Variants in UTP14A observed in about 807,000 individuals in gnomAD.
UTP14A encodes UTP14A small subunit processome component, also known as U3 small nucleolar RNA-associated protein 14 homolog A.
In UTP14A, 5 loss-of-function variants were observed where a neutral mutation model predicts 57.2. The observed-to-expected ratio is 0.09, with a 90% CI of 0.05 to 0.18. The LOEUF (loss-of-function observed/expected upper bound fraction) is 0.18, where lower values mean the gene tolerates loss of function less well. Among genes scored for constraint, UTP14A ranks in the 10% least tolerant of loss-of-function variants. The probability of loss-of-function intolerance (pLI) is 1.00; values close to 1 mark genes in which losing one functional copy is unlikely to be tolerated. For synonymous variants in UTP14A, 169 were observed against 210.9 expected, an observed-to-expected ratio of 0.80 and a Z score of 1.72; for missense variants, 430 against 562.1, an observed-to-expected ratio of 0.76 and a Z score of 2.38.
At chrX:129,925,308 A>G (rs773352340) in intron 12 of UTP14A, 113 bp downstream of exon 12, 139 of 978,439 alleles carry the variant, frequency 1.4e-4, no homozygotes, top group Non-Finnish European at 1.9e-4. Flanking sequence ...GGTCCAGAAT[A>G]GTATAGGGCC....
At chrX:129,915,027 C>T (rs905122239) in intron 6 of UTP14A, among the ~76,000 whole-genome samples, 2 of 110,813 alleles carry the variant, frequency 1.8e-5, no homozygotes, top group Admixed American at 1.9e-4. Context: ...GCCTGACCAA[C>T]GTGGCAAAAC....
intron 11 of UTP14A, among the ~76,000 whole-genome samples, chrX:129,924,138 G>A (rs1443898646): frequency 5.5e-5 from 6 of 109,704 alleles, no homozygotes; most frequent in African/African-American, 2.0e-4. Flanking sequence ...TGTTGTTGTT[G>A]GAGGGGTGGA....
chrX:129,911,185 GAAATT>G lies in UTP14A; in HGVS notation c.381+36_381+40del, dbSNP rs748336798. The stretch of plus-strand genomic sequence containing the variant: ...AGAGAAGGTGGTCTATTAAGGGAAA[GAAATT>G]GAATTGACAAGGGAAAATAGGGTAA... On this transcript the variant is annotated intron_variant, in intron 5 of 14. Transcript: ENST00000394422. 26 of 1,171,927 alleles carry G rather than the reference GAAATT, an allele frequency of 2.2e-5. No homozygotes were observed. In the African/African-American group the frequency reaches 2.9e-4, roughly 13 times the overall value.
At chrX:129,927,080 A>G (rs1005566611) in intron 14 of UTP14A, among the ~76,000 whole-genome samples, 22 of 111,582 alleles carry the variant, frequency 2.0e-4, no homozygotes, top group African/African-American at 7.2e-4. Context: ...CGATAAGGGA[A>G]GGGGGGAAAG....
rs773413478 is a variant in UTP14A, at chrX:129,924,965, A to G, written c.1519A>G (p.Arg507Gly). 8.3e-6 allele frequency: 10 copies of G among 1,209,414 alleles called. No homozygotes were observed. Among genetic ancestry groups the G allele is most frequent in the Non-Finnish European group, 1.1e-5 (10 of 895,198 alleles). Residue 507 changes from arginine (R) to glycine (G), a missense_variant, in exon 12 of 15, where the codon AGA becomes GGA. Arg to Gly is a moderately radical substitution (Grantham distance 125). Transcript: ENST00000394422. ...EEPLLLQRPE[R>G]VQTLEELEEL... ...GCCCCTGTTGCTACAGAGACCAGAG[A>G]GAGTACAGACGCTGGAAGAGCTAGA...
Position 129,919,265 on chromosome X carries a change from G to T in UTP14A, c.628G>T (p.Ala210Ser). 2 of 1,211,617 alleles carry T rather than the reference G, an allele frequency of 1.7e-6. No individual in the cohort carries two copies. The highest frequency in any genetic ancestry group is 2.2e-6 in the Non-Finnish European group (2 of 895,507). ...TDPLLTPVEKASLRAMSLEEA... is the reference protein window; with the variant it reads ...TDPLLTPVEKSSLRAMSLEEA... ...CCCTTTACTGACCCCTGTGGAAAAG[G>T]CCTCTCTCCGAGCCATGAGCCTAGA... The change falls in exon 7 of 15, where the codon GCC becomes TCC. Residue 210 changes from alanine (A) to serine (S), a missense_variant. Around this residue, in one of 4 missense-constraint regions of UTP14A, gnomAD observed 145 missense variants for 153.5 expected, o/e 0.94. Transcript: ENST00000394422.
chrX:129,928,768 A>T (rs1338308572), intron 14 of UTP14A, among the ~76,000 whole-genome samples: 1 of 107,175 alleles, frequency 9.3e-6, no homozygotes, highest in East Asian at 3.0e-4. Context: ...AACAAAAAAA[A>T]AATATCAATC....
chrX:129,907,884 A>T (rs1929311455), intron 2 of UTP14A, among the ~76,000 whole-genome samples, 176 bp from the exon 3 acceptor site: 1 of 111,912 alleles, frequency 8.9e-6, no homozygotes, highest in African/African-American at 3.2e-5. Context: ...TGAACCTGGG[A>T]GGCGGAGCTT....
chrX:129,906,649 G>GCCCCCCCCCCCCCCCCCCC (rs750133698), intron 1 of UTP14A, among the ~76,000 whole-genome samples: 2 of 100,448 alleles, frequency 2.0e-5, no homozygotes, highest in Non-Finnish European at 4.0e-5. Flanking sequence ...GATGTTTTGT[G>GCCCCCCCCCCCCCCCCCCC]CCCCCCCCAC....
At chrX:129,913,300 CT>C (rs1216592164) in intron 6 of UTP14A, 1 of 325,512 alleles carries the variant, frequency 3.1e-6, no homozygotes, top group South Asian at 2.8e-5. Context: ...CACTACCATT[CT>C]CTTTCTAGGA....
chrX:129,922,602 G>T (rs1008459996), intron 11 of UTP14A: 1 of 110,210 alleles, frequency 9.1e-6, no homozygotes, highest in Admixed American at 9.8e-5. Context: ...TTTTTGTAGA[G>T]ACTGAGGTCT....
intron 14 of UTP14A, among the ~76,000 whole-genome samples, chrX:129,927,619 G>A (rs1056933536): frequency 5.4e-5 from 6 of 111,721 alleles, no homozygotes; most frequent in Admixed American, 9.5e-5. Context: ...CTATTCTCGT[G>A]TCTCAGCCTC....
intron 11 of UTP14A, 104 bp downstream of exon 11, chrX:129,921,691 G>C: frequency 2.2e-6 from 2 of 903,510 alleles, no homozygotes. Flanking sequence ...ATAGTGATTA[G>C]GCGCTGGGGA....
chrX:129,917,427 G>A (rs747736761), intron 6 of UTP14A, among the ~76,000 whole-genome samples: 9 of 112,011 alleles, frequency 8.0e-5, no homozygotes, highest in Non-Finnish European at 1.7e-4. Flanking sequence ...CATAATATGT[G>A]TGTGAGGTTT....
intron 10 of UTP14A, 79 bp from the exon 11 acceptor site, chrX:129,921,112 GGCA>G: frequency 1.8e-6 from 2 of 1,142,420 alleles, no homozygotes; most frequent in Non-Finnish European, 2.3e-6. Context: ...ATTGAGAGGA[GGCA>G]GCTTTATGAA....
rs1930247183 is a variant in UTP14A, at chrX:129,929,739, C to T, written c.*131C>T. The T allele has an allele frequency of 3.6e-6, 3 of 837,504 alleles. No individual in the cohort carries two copies. In the South Asian group the frequency reaches 8.1e-5, roughly 23 times the overall value. The allele number at this position is 837,504 out of a possible 1,213,427, so 69.0% of individuals were successfully genotyped here. Reference sequence around the variant, plus strand: ...TTAAGCCACATTTTAAAAATAAAGGCATTTTTTAATCTATTTACCTGGAGT... The same window carrying T: ...TTAAGCCACATTTTAAAAATAAAGGTATTTTTTAATCTATTTACCTGGAGT... On this transcript the variant is annotated 3_prime_UTR_variant, in exon 15 of 15. Transcript: ENST00000394422.
chrX:129,909,713 A>G (rs1929394501), intron 4 of UTP14A, among the ~76,000 whole-genome samples: 1 of 111,744 alleles, frequency 8.9e-6, no homozygotes, highest in South Asian at 3.7e-4. Flanking sequence ...CCCTGTTCAG[A>G]ATACATGCTC....
At chrX:129,907,911 A>C (rs1309965701) in intron 2 of UTP14A, 149 bp from the exon 3 acceptor site, 2 of 492,711 alleles carry the variant, frequency 4.1e-6, no homozygotes, top group Non-Finnish European at 6.8e-6. Flanking sequence ...AGCCAAGATA[A>C]CACCACTGCA....
At position 129,929,689 on chromosome X, in the gene UTP14A, A is replaced by G; in HGVS notation, c.*81A>G. ...TACTCTGATACAGGGTGGATTCCAA[A>G]ACTGGCTCAGTACATTGCATGTAGT... is the stretch of plus-strand genomic sequence containing the variant. On this transcript the variant is annotated 3_prime_UTR_variant, in exon 15 of 15. Coordinates refer to ENST00000394422, the MANE Select transcript of UTP14A (RefSeq NM_006649.4). The G allele has an allele frequency of 2.7e-6, 3 of 1,112,488 alleles. No homozygotes were observed. Among genetic ancestry groups the G allele is most frequent in the Middle Eastern group, 2.6e-4 (1 of 3,914 alleles). The allele number at this position is 1,112,488 out of a possible 1,213,427, so 91.7% of individuals were successfully genotyped here. A position where few individuals can be genotyped will look rare whatever the true frequency, so the allele number is the denominator to read the frequency against.
Sources: gnomAD v4.1 joint callset for allele counts (sites outside exome capture counted in the v4.1 genomes callset) on GRCh38, gnomAD v4.1.1 for gene constraint, gnomAD v4.1.1 regional missense constraint, MANE v1.5 for transcripts, NCBI Gene and HGNC (gene_info 2026-07-23, HGNC 2026-07-21) for gene names.